ADGRL2: variants seen among roughly 807,000 people sequenced by gnomAD.
ADGRL2 encodes the protein adhesion G protein-coupled receptor L2.
ADGRL2 carries 44 observed loss-of-function variants against 157.4 expected under a neutral mutation model. That is an observed-to-expected ratio of 0.28 (90% confidence interval 0.22 to 0.36). The LOEUF (loss-of-function observed/expected upper bound fraction) is 0.36. Among genes scored for constraint, ADGRL2 ranks in the 10% least tolerant of loss-of-function variants. The pLI is 1.00. For missense variants in ADGRL2, 1,510 were observed against 1,768.9 expected, an observed-to-expected ratio of 0.85 and a Z score of 2.63; for synonymous variants, 585 against 624.7, an observed-to-expected ratio of 0.94 and a Z score of 0.95.
intron 1 of ADGRL2, among the ~76,000 whole-genome samples, chr1:81,343,237 G>A (rs998638310): frequency 1.3e-5 from 2 of 151,220 alleles, no homozygotes; most frequent in East Asian, 2.0e-4. Context: ...TTACAGGCAC[G>A]TGCCACCACG....
At chr1:81,904,447 A>T (rs2094548127) in intron 2 of ADGRL2, among the ~76,000 whole-genome samples, 1 of 152,216 alleles carries the variant, frequency 6.6e-6, no homozygotes, top group Non-Finnish European at 1.5e-5. Context: ...TGGGTAATTT[A>T]TAAAGAAAAG....
chr1:81,798,071 G>C (rs1571261242), upstream of ADGRL2, among the ~76,000 whole-genome samples: 1 of 152,122 alleles, frequency 6.6e-6, no homozygotes, highest in East Asian at 1.9e-4. Flanking sequence ...TAAATTGATT[G>C]GATTGCAGGG....
chr1:81,746,830 A>G (rs1380513880), intron 1 of ADGRL2, among the ~76,000 whole-genome samples: 2 of 151,010 alleles, frequency 1.3e-5, no homozygotes, highest in Non-Finnish European at 2.9e-5. Context: ...TTCAAATTAT[A>G]TATATACATG....
intron 3 of ADGRL2, among the ~76,000 whole-genome samples, chr1:81,669,407 A>T (rs917050499): frequency 6.6e-6 from 1 of 152,114 alleles, no homozygotes; most frequent in Non-Finnish European, 1.5e-5. Flanking sequence ...CAATGTAGCA[A>T]GACTCCATCT....
chr1:81,553,412 T>C (rs1483787299), intron 2 of ADGRL2, among the ~76,000 whole-genome samples: 2 of 152,302 alleles, frequency 1.3e-5, no homozygotes, highest in African/African-American at 4.8e-5. Flanking sequence ...TCTTTAATGC[T>C]CTTCAGAAGA....
chr1:81,523,444 G>C (rs1042538121), intron 2 of ADGRL2, among the ~76,000 whole-genome samples: 2 of 151,076 alleles, frequency 1.3e-5, no homozygotes, highest in African/African-American at 4.9e-5. Flanking sequence ...GAGAGAGAAG[G>C]AAGGAGAGAG....
At chr1:81,399,128 A>G (rs1409727666) in intron 1 of ADGRL2, among the ~76,000 whole-genome samples, 1 of 152,178 alleles carries the variant, frequency 6.6e-6, no homozygotes, top group Non-Finnish European at 1.5e-5. Context: ...ATGGCAAAGC[A>G]AAAGAGAGAG....
intron 2 of ADGRL2, among the ~76,000 whole-genome samples, chr1:81,901,312 G>A (rs2094482137): frequency 1.3e-5 from 2 of 151,516 alleles, no homozygotes; most frequent in South Asian, 4.2e-4. Flanking sequence ...CAAATACGTA[G>A]TCAGAGAAAA....
At chr1:81,484,862 A>C (rs1280873557) in intron 2 of ADGRL2, among the ~76,000 whole-genome samples, 1 of 152,148 alleles carries the variant, frequency 6.6e-6, no homozygotes, top group Non-Finnish European at 1.5e-5. Context: ...TTCCCATAAA[A>C]AAAATTTGCA....
At chr1:81,476,511 T>C (rs2078276272) in intron 2 of ADGRL2, among the ~76,000 whole-genome samples, 1 of 152,190 alleles carries the variant, frequency 6.6e-6, no homozygotes, top group African/African-American at 2.4e-5. Flanking sequence ...CCTCCACCTG[T>C]GCTTTTTCAC....
chr1:81,942,869 T>A, intron 5 of ADGRL2, 100 bp from the exon 6 acceptor site: 1 of 857,586 alleles, frequency 1.2e-6, no homozygotes, highest in South Asian at 1.4e-5. Context: ...TGAATGCTAA[T>A]AATATGAATT....
At chr1:81,327,677 CT>C (rs973089805) in intron 1 of ADGRL2, among the ~76,000 whole-genome samples, 2 of 152,112 alleles carry the variant, frequency 1.3e-5, no homozygotes, top group African/African-American at 2.4e-5. Context: ...AAATATCTTT[CT>C]TCAGATTCTT....
chr1:81,837,338 T>G (rs1456719997), intron 2 of ADGRL2, among the ~76,000 whole-genome samples: 1 of 152,122 alleles, frequency 6.6e-6, no homozygotes, highest in South Asian at 2.1e-4. Flanking sequence ...TGTTTTGGTA[T>G]ACATTTTACA....
chr1:81,952,893 TG>T, intron 9 of ADGRL2, 93 bp from the exon 10 acceptor site: 1 of 994,430 alleles, frequency 1.0e-6, no homozygotes, highest in Non-Finnish European at 1.6e-6. Context: ...CTTCGAGCTC[TG>T]GAACACCAGC....
chr1:81,708,998 C>T (rs2149067983), intron 1 of ADGRL2, among the ~76,000 whole-genome samples: 1 of 152,146 alleles, frequency 6.6e-6, no homozygotes, highest in African/African-American at 2.4e-5. Context: ...AATATGGTCT[C>T]ACCATATAAC....
At chr1:81,801,830 C>G (rs918166121) in intron 1 of ADGRL2, among the ~76,000 whole-genome samples, 6 of 152,218 alleles carry the variant, frequency 3.9e-5, no homozygotes, top group Non-Finnish European at 7.3e-5. Flanking sequence ...CTGCGCACCT[C>G]TGTCAGGCTT....
At chr1:81,436,863 T>C (rs1303371206) in intron 1 of ADGRL2, among the ~76,000 whole-genome samples, 2 of 152,242 alleles carry the variant, frequency 1.3e-5, no homozygotes, top group East Asian at 3.8e-4. Flanking sequence ...ATTCATGCCA[T>C]AGCTATTTTT....
At chr1:81,969,065 G>A in intron 14 of ADGRL2, 113 bp from the exon 15 acceptor site, 1 of 751,012 alleles carries the variant, frequency 1.3e-6, no homozygotes, top group South Asian at 1.7e-5. Flanking sequence ...CATATGAATA[G>A]TATTCTTCAA....
intron 1 of ADGRL2, among the ~76,000 whole-genome samples, chr1:81,374,640 C>T (rs1475248942): frequency 6.6e-6 from 1 of 151,060 alleles, no homozygotes; most frequent in African/African-American, 2.4e-5. Flanking sequence ...GTCCGCCTAG[C>T]TAATCCACTG....
Sources: allele counts gnomAD v4.1 joint callset (sites outside exome capture counted in the v4.1 genomes callset), GRCh38; gene constraint gnomAD v4.1.1; transcripts MANE v1.5; gene names NCBI Gene and HGNC (gene_info 2026-07-23, HGNC 2026-07-21).